The following FBXO25 variants were observed in gnomAD, a reference collection of about 807,000 sequenced individuals.
FBXO25 encodes the protein F-box only protein 25.
FBXO25 carries 45 observed loss-of-function variants against 51.9 expected under a neutral mutation model. That is an observed-to-expected ratio of 0.87 (90% CI 0.68 to 1.11). The LOEUF is 1.11. FBXO25 is among the 50% of genes most tolerant of loss of function. The pLI, the probability that FBXO25 is intolerant of heterozygous loss-of-function variation, is 0.00. For missense variants in FBXO25, 507 were observed against 428.5 expected (o/e 1.18, Z -1.62); for synonymous variants, 199 against 151.0 (o/e 1.32, Z -2.33).
intron 8 of FBXO25, among the ~76,000 whole-genome samples, chr8:461,380 C>T (rs571856927): frequency 3.3e-5 from 5 of 152,278 alleles, no homozygotes; most frequent in Non-Finnish European, 7.4e-5. Flanking sequence ...GCCTCACAAT[C>T]CTGGTGGAAG....
Position 413,193 on chromosome 8 carries a change from T to C in FBXO25, c.114T>C (p.Arg38=). The C allele has an allele frequency of 6.2e-7, 1 of 1,600,494 alleles. No homozygotes were observed. The highest frequency in any genetic ancestry group is 8.5e-7 in the Non-Finnish European group (1 of 1,175,324). The change falls in exon 2 of 10, where the codon CGT becomes CGC. Residue 38 remains arginine, a synonymous_variant. Transcript: ENST00000350302. ...AGAAACTTGAAAGAGAGAATAACCG[T>C]TGTAACATCAGTCACAGCATGTAAG... The part of the protein sequence containing the change: ...CSQKLERENN[R]CNISHSIILN...
intron 2 of FBXO25, among the ~76,000 whole-genome samples, chr8:429,995 T>C (rs1797721189): frequency 6.6e-6 from 1 of 152,250 alleles, no homozygotes; most frequent in South Asian, 2.1e-4. Flanking sequence ...CCATGGGATA[T>C]CTTTAGGTTC....
chr8:419,853 T>G (rs996580832), intron 2 of FBXO25, among the ~76,000 whole-genome samples: 3 of 152,084 alleles, frequency 2.0e-5, no homozygotes, highest in African/African-American at 7.2e-5. Flanking sequence ...GAGAACACAT[T>G]TGTAAGTCAC....
In FBXO25 at chr8:431,436, A is replaced by G. The variant is rs775802052; in HGVS notation, c.230A>G (p.Asn77Ser). Reference sequence around the variant, plus strand: ...AAGGACCATTTTAGAAATGACACAAATACTCAAAGTAAGATCATTCTCATT... The same window carrying G: ...AAGGACCATTTTAGAAATGACACAAGTACTCAAAGTAAGATCATTCTCATT... ...RKKDHFRNDT[N>S]TQSFYREKWI... Residue 77 changes from asparagine (N) to serine (S), a missense_variant, in exon 3 of 10, where the codon AAT (asparagine) becomes AGT (serine). Asn to Ser is a conservative substitution (Grantham distance 46). Coordinates refer to ENST00000350302, the MANE Select transcript of FBXO25 (RefSeq NM_183420.2). 1.3e-6 allele frequency: 2 copies of G among 1,484,212 alleles called. No individual in the cohort carries two copies. Among genetic ancestry groups the G allele is most frequent in the African/African-American group, 1.4e-5 (1 of 70,394 alleles). 91.9% of individuals were successfully genotyped at this position (1,484,212 alleles called of 1,614,324 possible).
intron 2 of FBXO25, among the ~76,000 whole-genome samples, chr8:421,448 G>T (rs1217517205): frequency 6.6e-6 from 1 of 152,210 alleles, no homozygotes; most frequent in African/African-American, 2.4e-5. Context: ...GACAAAACCT[G>T]TGGTTAGTGC....
chr8:438,471 G>T (rs1435613055), intron 5 of FBXO25, among the ~76,000 whole-genome samples: 1 of 152,214 alleles, frequency 6.6e-6, no homozygotes, highest in South Asian at 2.1e-4. Flanking sequence ...GTTAGTAGTA[G>T]AATTTAGTGT....
At chr8:425,053 A>G (rs1797387333) in intron 2 of FBXO25, among the ~76,000 whole-genome samples, 1 of 152,090 alleles carries the variant, frequency 6.6e-6, no homozygotes, top group African/African-American at 2.4e-5. Flanking sequence ...GTTTTTCTTC[A>G]TTTTTATAAA....
chr8:438,217 G>C (rs1414967016), intron 5 of FBXO25, among the ~76,000 whole-genome samples: 1 of 151,952 alleles, frequency 6.6e-6, no homozygotes, highest in East Asian at 1.9e-4. Flanking sequence ...ACGATGCCTG[G>C]CTAATTCTTT....
In FBXO25 at chr8:477,961, A is replaced by G. The variant is rs1800691956; in HGVS notation, c.*9157A>G. 1 of 152,222 alleles carries G rather than the reference A, an allele frequency of 6.6e-6. No homozygotes were observed. The highest frequency in any genetic ancestry group is 2.1e-4 in the South Asian group (1 of 4,836). The allele number at this position is 152,222 out of a possible 1,614,324, so 9.4% of individuals were successfully genotyped here. A position where few individuals can be genotyped will look rare whatever the true frequency, so the allele number is the denominator to read the frequency against. On this transcript the variant is annotated 3_prime_UTR_variant, in exon 10 of 10. Coordinates refer to ENST00000350302, the MANE Select transcript of FBXO25 (RefSeq NM_183420.2). ...TGACATTTTCCATTAAAAGTTATAT[A>G]ACACTACTTTTTTGTACTCGTTACT... is the stretch of plus-strand genomic sequence containing the variant.
intron 8 of FBXO25, among the ~76,000 whole-genome samples, chr8:462,125 G>T (rs1799855850): frequency 6.6e-6 from 1 of 152,124 alleles, no homozygotes; most frequent in African/African-American, 2.4e-5. Context: ...AGTGTGTGAG[G>T]TCTCTTGATT....
At chr8:431,209 G>A in intron 2 of FBXO25, 132 bp from the exon 3 acceptor site, 1 of 531,370 alleles carries the variant, frequency 1.9e-6, no homozygotes, top group Non-Finnish European at 3.4e-6. Flanking sequence ...AAACAAAAAT[G>A]TATTAGACAT....
Position 438,485 on chromosome 8 carries a change from A to G in FBXO25, c.381+2778A>G, listed in dbSNP as rs1347366818. Among the ~76,000 whole-genome samples, 3 of 152,352 alleles carry G rather than the reference A, an allele frequency of 2.0e-5. No individual in the cohort carries two copies. In the East Asian group the frequency reaches 5.8e-4, roughly 29 times the overall value. The stretch of plus-strand genomic sequence containing the variant: ...AGTTAGTAGTAGAATTTAGTGTTCA[A>G]TTACAGATTCTTCCAGTTGCCAAAA... On this transcript the variant is annotated intron_variant, in intron 5 of 9. Coordinates refer to ENST00000350302, the MANE Select transcript of FBXO25 (RefSeq NM_183420.2).
At chr8:412,184 C>T (rs1349391778) in intron 1 of FBXO25, among the ~76,000 whole-genome samples, 1 of 152,158 alleles carries the variant, frequency 6.6e-6, no homozygotes, top group East Asian at 1.9e-4. Context: ...ACTGAACAGG[C>T]ATGTCCTAAG....
intron 4 of FBXO25, among the ~76,000 whole-genome samples, chr8:433,268 GTGTGGTGGCA>G (rs144459527): frequency 0.016 from 2,401 of 151,042 alleles, 48 homozygotes; most frequent in African/African-American, 0.057. Context: ...GATGTATGGT[GTGTGGTGGCA>G]TGTGGTATAT....
intron 1 of FBXO25, among the ~76,000 whole-genome samples, chr8:411,837 C>T (rs939110466): frequency 2.6e-5 from 4 of 152,142 alleles, no homozygotes; most frequent in Non-Finnish European, 5.9e-5. Context: ...GCAGTGTGAG[C>T]ATCTGAGGTG....
At chr8:419,288 G>C (rs1258937961) in intron 2 of FBXO25, among the ~76,000 whole-genome samples, 1 of 152,164 alleles carries the variant, frequency 6.6e-6, no homozygotes, top group African/African-American at 2.4e-5. Context: ...AGAATCACTT[G>C]AACCTGGGAG....
intron 7 of FBXO25, among the ~76,000 whole-genome samples, chr8:455,073 A>G (rs1799341124): frequency 6.6e-6 from 1 of 152,106 alleles, no homozygotes; most frequent in South Asian, 2.1e-4. Flanking sequence ...CGAAATTCCC[A>G]GAAGTTGCAG....
intron 9 of FBXO25, among the ~76,000 whole-genome samples, chr8:467,023 C>A (rs185155136): frequency 5.6e-4 from 86 of 152,288 alleles, no homozygotes; most frequent in South Asian, 3.7e-3. Context: ...GGCCATCTGA[C>A]GTTCACCCCA....
intron 5 of FBXO25, among the ~76,000 whole-genome samples, chr8:444,910 A>G (rs773667562): frequency 1.3e-5 from 2 of 152,218 alleles, no homozygotes; most frequent in Non-Finnish European, 2.9e-5. Flanking sequence ...ATTACCTAGC[A>G]ATGCGTTTCT....
Sources: gnomAD v4.1 joint callset for allele counts (sites outside exome capture counted in the v4.1 genomes callset) on GRCh38, gnomAD v4.1.1 for gene constraint, MANE v1.5 for transcripts, NCBI Gene and HGNC (gene_info 2026-07-23, HGNC 2026-07-21) for gene names.